CERS6: variants seen among roughly 807,000 people sequenced by gnomAD.
The protein encoded by CERS6 is ceramide synthase 6, also known as LAG1 homolog, ceramide synthase 6.
CERS6 carries 26 observed loss-of-function variants against 56.8 expected under a neutral mutation model. That is an observed-to-expected ratio of 0.46 (90% CI 0.34 to 0.63). The LOEUF (loss-of-function observed/expected upper bound fraction) is 0.63. CERS6 is among the 30% of genes least tolerant of loss of function. The pLI is 0.01. For synonymous variants in CERS6, 164 were observed against 173.3 expected (o/e 0.95, Z 0.42); for missense variants, 415 against 467.5 (o/e 0.89, Z 1.04).
chr2:168,682,031 A>G (rs1253412295), intron 4 of CERS6, among the ~76,000 whole-genome samples: 1 of 152,196 alleles, frequency 6.6e-6, no homozygotes, highest in Non-Finnish European at 1.5e-5. Context: ...AAATCTATTC[A>G]TCTGTTGATT....
chr2:168,637,960 C>G (rs1684900675), intron 4 of CERS6, among the ~76,000 whole-genome samples: 1 of 150,884 alleles, frequency 6.6e-6, no homozygotes, highest in Non-Finnish European at 1.5e-5. Flanking sequence ...TTAGGTATAC[C>G]TAGGTCATAA....
intron 3 of CERS6, among the ~76,000 whole-genome samples, chr2:168,609,903 A>G (rs1450624435): frequency 6.6e-6 from 1 of 150,706 alleles, no homozygotes; most frequent in East Asian, 2.0e-4. Flanking sequence ...ACACTAGGGC[A>G]GGTTGACCTT....
At chr2:168,761,027 G>T (rs139940306) in intron 8 of CERS6, among the ~76,000 whole-genome samples, 2,227 of 152,244 alleles carry the variant, frequency 0.015, 56 homozygotes, top group African/African-American at 0.051. Context: ...AAAGTGCTGG[G>T]ATTATAGGCG....
chr2:168,663,353 AG>A (rs1685680552), intron 4 of CERS6, among the ~76,000 whole-genome samples: 1 of 152,234 alleles, frequency 6.6e-6, no homozygotes, highest in African/African-American at 2.4e-5. Flanking sequence ...GAAAATATAA[AG>A]GCAGTCAAGC....
At chr2:168,523,226 G>A (rs1201214253) in intron 1 of CERS6, among the ~76,000 whole-genome samples, 1 of 152,124 alleles carries the variant, frequency 6.6e-6, no homozygotes, top group Admixed American at 6.5e-5. Flanking sequence ...CATTATCCCT[G>A]CTTCAAACGA....
At chr2:168,692,803 AT>A (rs1686539575) in intron 5 of CERS6, among the ~76,000 whole-genome samples, 1 of 152,124 alleles carries the variant, frequency 6.6e-6, no homozygotes, top group Admixed American at 6.6e-5. Context: ...TATGTATGCA[AT>A]TATAGTACTT....
intron 4 of CERS6, among the ~76,000 whole-genome samples, chr2:168,637,207 G>C (rs1471320500): frequency 1.3e-5 from 2 of 152,176 alleles, no homozygotes; most frequent in South Asian, 4.1e-4. Context: ...GCCAGGCACG[G>C]TGGCTCACGC....
chr2:168,535,241 C>A (rs1249668824), intron 1 of CERS6, among the ~76,000 whole-genome samples: 1 of 152,218 alleles, frequency 6.6e-6, no homozygotes, highest in Non-Finnish European at 1.5e-5. Flanking sequence ...GGTCACCCTT[C>A]CCCCTGGGAG....
chr2:168,668,994 T>A (rs1269774407), intron 4 of CERS6, among the ~76,000 whole-genome samples: 1 of 152,164 alleles, frequency 6.6e-6, no homozygotes, highest in Non-Finnish European at 1.5e-5. Context: ...TTATCTGACT[T>A]TGTATGTCCC....
At chr2:168,528,544 A>G (rs77776132) in intron 1 of CERS6, among the ~76,000 whole-genome samples, 3,125 of 152,306 alleles carry the variant, frequency 0.021, 123 homozygotes, top group East Asian at 0.18. Context: ...ATCCTGACCA[A>G]TACTCTTTGG....
In CERS6 at chr2:168,553,875, G is replaced by A. The variant is rs147405882; in HGVS notation, c.276+6174G>A. On this transcript the variant is annotated intron_variant, in intron 2 of 9. Transcript: ENST00000305747. ...TAGAAGGGGAAGAAGGTGGGAGGCAGAATCAGTTCACTGATTGCATGATCT... is the reference window on the plus strand; with the variant it reads ...TAGAAGGGGAAGAAGGTGGGAGGCAAAATCAGTTCACTGATTGCATGATCT... Among the ~76,000 whole-genome samples, 74 of 152,340 alleles carry A rather than the reference G, an allele frequency of 4.9e-4. No individual in the cohort carries two copies. In the Middle Eastern group the frequency reaches 0.01, roughly 21 times the overall value.
intron 4 of CERS6, among the ~76,000 whole-genome samples, chr2:168,683,868 G>A (rs1400378604): frequency 1.3e-5 from 2 of 152,116 alleles, no homozygotes; most frequent in Non-Finnish European, 2.9e-5. Context: ...ACTGTTAGAT[G>A]TGTGTGGAGA....
intron 7 of CERS6, among the ~76,000 whole-genome samples, chr2:168,716,360 A>G (rs1159068892): frequency 2.0e-5 from 3 of 152,162 alleles, no homozygotes; most frequent in African/African-American, 4.8e-5. Flanking sequence ...CTAAGGCTGT[A>G]CAATCAATCC....
At chr2:168,544,228 C>G (rs1014479030) in intron 1 of CERS6, among the ~76,000 whole-genome samples, 9 of 152,166 alleles carry the variant, frequency 5.9e-5, no homozygotes, top group Non-Finnish European at 1.2e-4. Context: ...CTGTCTGTCT[C>G]TGCATCCTCA....
chr2:168,604,289 A>C (rs1437275568), intron 3 of CERS6, among the ~76,000 whole-genome samples: 1 of 152,208 alleles, frequency 6.6e-6, no homozygotes, highest in East Asian at 1.9e-4. Context: ...CAACTTTTGC[A>C]AGGGTATAAT....
At chr2:168,644,951 G>A (rs1283538408) in intron 4 of CERS6, among the ~76,000 whole-genome samples, 2 of 150,280 alleles carry the variant, frequency 1.3e-5, no homozygotes, top group African/African-American at 4.9e-5. Flanking sequence ...AATTAGGCAG[G>A]CATGGTGGTG....
intron 1 of CERS6, among the ~76,000 whole-genome samples, chr2:168,534,151 T>G (rs1239780971): frequency 3.9e-5 from 6 of 152,090 alleles, no homozygotes; most frequent in Non-Finnish European, 8.8e-5. Flanking sequence ...TTTCTTTGCA[T>G]TGGGTTAGAA....
Position 168,561,187 on chromosome 2 carries a change from C to T in CERS6, c.277-5C>T, listed in dbSNP as rs531100865. 7.0e-4 allele frequency: 1,122 copies of T among 1,613,730 alleles called. 17 individuals carry two copies. The South Asian group carries it at 0.012, about 17-fold the overall frequency. ...AAATTATTTTTCTGGTACCTTGTTTCATAGCATCCTGATGAAAAGAGATTG... is the reference window on the plus strand; with the variant it reads ...AAATTATTTTTCTGGTACCTTGTTTTATAGCATCCTGATGAAAAGAGATTG... On this transcript the variant is annotated splice_polypyrimidine_tract_variant and splice_region_variant and intron_variant, in intron 2 of 9. Transcript: ENST00000305747.
At chr2:168,741,867 AC>A (rs915109342) in intron 8 of CERS6, among the ~76,000 whole-genome samples, 12 of 152,322 alleles carry the variant, frequency 7.9e-5, no homozygotes, top group Admixed American at 3.3e-4. Flanking sequence ...CATGGAAATA[AC>A]AGAAGTTCCA....
Sources: gnomAD v4.1 joint callset for allele counts (sites outside exome capture counted in the v4.1 genomes callset) on GRCh38, gnomAD v4.1.1 for gene constraint, MANE v1.5 for transcripts, NCBI Gene and HGNC (gene_info 2026-07-23, HGNC 2026-07-21) for gene names.